RRAS2: variants seen among roughly 807,000 people sequenced by gnomAD.
The protein encoded by RRAS2 is RAS related 2.
Under a neutral mutation model 27.6 loss-of-function variants are expected in RRAS2, and 7 were observed. The observed-to-expected ratio is 0.25, with a 90% confidence interval of 0.14 to 0.48. RRAS2 has a LOEUF of 0.48. Among genes scored for constraint, RRAS2 ranks in the 20% least tolerant of loss-of-function variants. The pLI is 0.99. For missense variants in RRAS2, 178 were observed against 256.2 expected, an observed-to-expected ratio of 0.69 and a Z score of 2.08; for synonymous variants, 86 against 90.9, an observed-to-expected ratio of 0.95 and a Z score of 0.31.
chr11:14,295,904 T>A (rs782119209), intron 1 of RRAS2, 49 bp from the exon 2 acceptor site: 2 of 1,542,372 alleles, frequency 1.3e-6, no homozygotes, highest in African/African-American at 1.4e-5. Context: ...CCAGGCATGG[T>A]AGCTCACACC....
intron 1 of RRAS2, among the ~76,000 whole-genome samples, chr11:14,332,035 T>C (rs1277339677): frequency 6.6e-6 from 1 of 152,092 alleles, no homozygotes; most frequent in Non-Finnish European, 1.5e-5. Context: ...CCAGTATCGG[T>C]AAAGACCCAG....
At chr11:14,296,060 GTC>G (rs1591450533) in intron 1 of RRAS2, among the ~76,000 whole-genome samples, 1 of 151,806 alleles carries the variant, frequency 6.6e-6, no homozygotes, top group African/African-American at 2.4e-5. Flanking sequence ...TGTACCTGTG[GTC>G]TCTGTTACTT....
At chr11:14,341,635 C>T (rs1004418916) in intron 1 of RRAS2, among the ~76,000 whole-genome samples, 1 of 151,974 alleles carries the variant, frequency 6.6e-6, no homozygotes, top group Non-Finnish European at 1.5e-5. Context: ...TGAAGGAAAA[C>T]CCCTGAAGAA....
At chr11:14,334,700 A>T (rs986881624) in intron 1 of RRAS2, among the ~76,000 whole-genome samples, 4 of 135,946 alleles carry the variant, frequency 2.9e-5, no homozygotes, top group Admixed American at 2.8e-4. Flanking sequence ...AGCGAGTGTT[A>T]AAAAAAAAAA....
chr11:14,279,522 T>A, intron 5 of RRAS2, 98 bp from the exon 6 acceptor site: 2 of 895,538 alleles, frequency 2.2e-6, no homozygotes, highest in Non-Finnish European at 3.6e-6. Flanking sequence ...TAAGTGTGTA[T>A]GCTTTTCAGT....
intron 4 of RRAS2, among the ~76,000 whole-genome samples, chr11:14,287,983 T>C (rs573183427): frequency 3.3e-5 from 5 of 152,320 alleles, no homozygotes; most frequent in African/African-American, 1.2e-4. Flanking sequence ...GTTTTTGTTT[T>C]GTTTAGTTTG....
intron 1 of RRAS2, among the ~76,000 whole-genome samples, chr11:14,299,491 A>G (rs1437773450): frequency 1.3e-5 from 2 of 152,246 alleles, no homozygotes; most frequent in Admixed American, 6.5e-5. Context: ...TGCTGCTTAC[A>G]GGATTCCATA....
intron 1 of RRAS2, among the ~76,000 whole-genome samples, chr11:14,350,348 A>G (rs1848923856): frequency 6.6e-6 from 1 of 152,050 alleles, no homozygotes; most frequent in South Asian, 2.1e-4. Context: ...GGTGTGAGTG[A>G]GCTCTTACTT....
intron 1 of RRAS2, among the ~76,000 whole-genome samples, chr11:14,351,798 G>A (rs1342531917): frequency 3.3e-5 from 5 of 151,594 alleles, no homozygotes; most frequent in African/African-American, 1.2e-4. Flanking sequence ...GGGAGGCTGA[G>A]GCAGGAGAAT....
chr11:14,358,792 T>C lies in RRAS2; in HGVS notation c.79A>G (p.Lys27Glu). ...LVVVGGGGVGKSALTIQFIQS... is the reference protein window; with the variant it reads ...LVVVGGGGVGESALTIQFIQS... ...ATGAACTGGATGGTGAGCGCCGACT[T>C]GCCCACGCCGCCCCCGCCGACCACC... The change falls in exon 1 of 6, where the codon AAG becomes GAG. Residue 27 changes from lysine (K) to glutamate (E), a missense_variant. Physicochemically the swap from Lys to Glu is moderately conservative, Grantham distance 56 (BLOSUM62 1). Transcript: ENST00000256196. The surrounding 1 kb of genome is among the most constrained non-coding windows in gnomAD (Gnocchi z 5.1). 1 of 1,484,430 alleles carries C rather than the reference T, an allele frequency of 6.7e-7. No homozygotes were observed. The highest frequency in any genetic ancestry group is 9.0e-7 in the Non-Finnish European group (1 of 1,110,504). The allele number at this position is 1,484,430 out of a possible 1,614,324, so 92.0% of individuals were successfully genotyped here.
In RRAS2 at chr11:14,277,959, G is replaced by A. The variant is rs1849422100; in HGVS notation, c.*1378C>T. On this transcript the variant is annotated 3_prime_UTR_variant, in exon 6 of 6. Coordinates refer to ENST00000256196, the MANE Select transcript of RRAS2 (RefSeq NM_012250.6). ...ATCAATTTTAATTCTAGCACCTGAA[G>A]CTATACAAGGGTATGCTCTATAAAC... is the stretch of plus-strand genomic sequence containing the variant. 6.6e-6 allele frequency: 1 copy of A among 152,190 alleles called. No individual in the cohort carries two copies. The highest frequency in any genetic ancestry group is 2.4e-5 in the African/African-American group (1 of 41,454). 9.4% of individuals were successfully genotyped at this position (152,190 alleles called of 1,614,324 possible).
chr11:14,307,743 A>AT (rs1422158548), intron 1 of RRAS2, among the ~76,000 whole-genome samples: 1 of 152,164 alleles, frequency 6.6e-6, no homozygotes, highest in Non-Finnish European at 1.5e-5. Context: ...GTGATTCATT[A>AT]TTTTTTTAAA....
At chr11:14,360,913 CAAA>C (rs78581800), upstream of RRAS2, among the ~76,000 whole-genome samples, 13 of 94,404 alleles carry the variant, frequency 1.4e-4, no homozygotes, top group Admixed American at 2.3e-4. Context: ...AATGCGGGCT[CAAA>C]AAAAAAAAAA....
In RRAS2 at chr11:14,279,281, G is replaced by C. The variant is rs1455701194; in HGVS notation, c.*56C>G. ...GTACCAACAAGATGTAAACTGAGGA[G>C]AGAAAGAGAAGATGAGGGCTTTTCC... On this transcript the variant is annotated 3_prime_UTR_variant, in exon 6 of 6. Transcript: ENST00000256196. 3.0e-5 allele frequency: 36 copies of C among 1,203,150 alleles called. No homozygotes were observed. Among genetic ancestry groups the C allele is most frequent in the Non-Finnish European group, 4.3e-5 (35 of 806,278 alleles). The allele number at this position is 1,203,150 out of a possible 1,614,324, so 74.5% of individuals were successfully genotyped here. A position where few individuals can be genotyped will look rare whatever the true frequency, so the allele number is the denominator to read the frequency against.
At chr11:14,289,685 A>C (rs1365764185) in intron 4 of RRAS2, among the ~76,000 whole-genome samples, 5 of 152,168 alleles carry the variant, frequency 3.3e-5, no homozygotes, top group Non-Finnish European at 7.4e-5. Context: ...TGCCTAGAAA[A>C]GGTGTTCAAT....
upstream of RRAS2, among the ~76,000 whole-genome samples, chr11:14,361,365 A>G (rs1432586804): frequency 6.6e-6 from 1 of 152,016 alleles, no homozygotes; most frequent in Non-Finnish European, 1.5e-5. Context: ...TACTTGACCC[A>G]CAAAATCATA....
chr11:14,327,859 A>T (rs1205781835), intron 1 of RRAS2, among the ~76,000 whole-genome samples: 2 of 152,232 alleles, frequency 1.3e-5, no homozygotes, highest in Admixed American at 1.3e-4. Context: ...TTCTTTCCAT[A>T]CGGCAGGTAA....
chr11:14,361,529 C>CA (rs1192308193), upstream of RRAS2, among the ~76,000 whole-genome samples: 2 of 151,824 alleles, frequency 1.3e-5, no homozygotes, highest in South Asian at 2.1e-4. Flanking sequence ...GACCCTGTCT[C>CA]AAAAAAAAGT....
chr11:14,297,878 A>G (rs1847596184), intron 1 of RRAS2, among the ~76,000 whole-genome samples: 1 of 152,160 alleles, frequency 6.6e-6, no homozygotes, highest in Admixed American at 6.5e-5. Flanking sequence ...TGTATTGAAC[A>G]AAGTCTGTAA....
Sources: gnomAD v4.1 joint callset for allele counts (sites outside exome capture counted in the v4.1 genomes callset) on GRCh38, gnomAD v4.1.1 for gene constraint, Gnocchi (gnomAD v3.1) non-coding constraint, MANE v1.5 for transcripts, NCBI Gene and HGNC (gene_info 2026-07-23, HGNC 2026-07-21) for gene names.